MYO9B: variants seen among roughly 807,000 people sequenced by gnomAD.
The protein encoded by MYO9B is myosin IXB.
In MYO9B, 71 loss-of-function variants were observed where a neutral mutation model predicts 229.5. The ratio of observed to expected loss-of-function variants is 0.31; its 90% confidence interval spans 0.26 to 0.38. MYO9B has a LOEUF of 0.38. Among genes scored for constraint, MYO9B ranks in the 10% least tolerant of loss-of-function variants. The pLI, the probability that MYO9B is intolerant of heterozygous loss-of-function variation, is 1.00. For missense variants in MYO9B, 2,255 were observed against 2,920.5 expected, an observed-to-expected ratio of 0.77 and a Z score of 5.25; for synonymous variants, 1,185 against 1,235.8, an observed-to-expected ratio of 0.96 and a Z score of 0.86.
rs1327933319 is a variant in MYO9B at position 17,212,558 on chromosome 19, G to A, written c.*248G>A. 1.1e-5 allele frequency: 5 copies of A among 449,446 alleles called. No homozygotes were observed. Among genetic ancestry groups the A allele is most frequent in the African/African-American group, 4.1e-5 (2 of 49,202 alleles). The allele number at this position is 449,446 out of a possible 1,614,324, so 27.8% of individuals were successfully genotyped here. ...TGGGGAGCACCACATCTCCACCTGCGGCCTCACATCTCCCCACTCCCCTTT... is the reference window on the plus strand; with the variant it reads ...TGGGGAGCACCACATCTCCACCTGCAGCCTCACATCTCCCCACTCCCCTTT... On this transcript the variant is annotated 3_prime_UTR_variant, in exon 40 of 40. Transcript: ENST00000682292. The surrounding 1 kb of genome is among the most constrained non-coding windows in gnomAD (Gnocchi z 5.4).
At chr19:17,210,640 G>C (rs1361709000) in intron 37 of MYO9B, 75 bp from the exon 38 acceptor site, 3 of 1,457,534 alleles carry the variant, frequency 2.1e-6, no homozygotes, top group African/African-American at 2.9e-5. Context: ...TAACCTCCTG[G>C]GATCTGCTCA....
intron 3 of MYO9B, among the ~76,000 whole-genome samples, chr19:17,146,934 A>T (rs1299397979): frequency 3.3e-5 from 5 of 152,248 alleles, no homozygotes; most frequent in Admixed American, 6.5e-5. Flanking sequence ...CTGATGGTTC[A>T]TATTCAAGAT....
At chr19:17,096,047 C>CATGT (rs2057685155) in intron 1 of MYO9B, among the ~76,000 whole-genome samples, 1 of 150,840 alleles carries the variant, frequency 6.6e-6, no homozygotes, top group Non-Finnish European at 1.5e-5. Flanking sequence ...GCTGGGATTA[C>CATGT]AGGCATAAGC....
At position 17,188,059 on chromosome 19, in the gene MYO9B, A is replaced by G. The variant is rs1320765242; in HGVS notation, c.2688+14A>G. Reference sequence around the variant, plus strand: ...TACACGTTCCAGGTAGGCCACAAGCACATATACCTGGACACACCTGTTCCG... The same window carrying G: ...TACACGTTCCAGGTAGGCCACAAGCGCATATACCTGGACACACCTGTTCCG... On this transcript the variant is annotated intron_variant, in intron 19 of 39. Transcript: ENST00000682292. The G allele has an allele frequency of 1.3e-6, 2 of 1,565,350 alleles. No homozygotes were observed. Among genetic ancestry groups the G allele is most frequent in the Non-Finnish European group, 1.7e-6 (2 of 1,152,576 alleles).
Position 17,200,275 on chromosome 19 carries a change from A to G in MYO9B, c.4239-18A>G, listed in dbSNP as rs976950969. ...TTTCATTTCAGACTTAAAAGAAGCC[A>G]CGTACTTTCTCCTGCAGATCCACGT... On this transcript the variant is annotated intron_variant, in intron 24 of 39. Transcript: ENST00000682292. 3.7e-6 allele frequency: 6 copies of G among 1,601,270 alleles called. No individual in the cohort carries two copies. The highest frequency in any genetic ancestry group is 5.1e-6 in the Non-Finnish European group (6 of 1,176,084).
intron 3 of MYO9B, among the ~76,000 whole-genome samples, chr19:17,146,810 C>T (rs1410626483): frequency 2.0e-5 from 3 of 152,188 alleles, no homozygotes; most frequent in Admixed American, 1.3e-4. Flanking sequence ...GGCCTGGATA[C>T]TCACAGGGAT....
In MYO9B at chr19:17,207,247, G is replaced by A; in HGVS notation, c.5624+3G>A. On this transcript the variant is annotated splice_donor_region_variant and intron_variant, in intron 35 of 39. Coordinates refer to ENST00000682292, the MANE Select transcript of MYO9B (RefSeq NM_004145.4). ...AAGGACGTCCTCAAGATCACCACGT[G>A]AGTGCCCACCCTGCCCCGGAGGCAT... 1 of 1,593,438 alleles carries A rather than the reference G, an allele frequency of 6.3e-7. No homozygotes were observed. The highest frequency in any genetic ancestry group is 8.5e-7 in the Non-Finnish European group (1 of 1,171,328).
At chr19:17,082,948 G>C (rs2057547087) in intron 1 of MYO9B, among the ~76,000 whole-genome samples, 1 of 151,692 alleles carries the variant, frequency 6.6e-6, no homozygotes, top group Non-Finnish European at 1.5e-5. Flanking sequence ...CTGCAGCCAA[G>C]TGAGCGTGGG....
At chr19:17,160,628 C>T (rs1031144188) in intron 8 of MYO9B, among the ~76,000 whole-genome samples, 2 of 151,886 alleles carry the variant, frequency 1.3e-5, no homozygotes, top group Non-Finnish European at 2.9e-5. Flanking sequence ...ATGCCTCAGC[C>T]TCCTGAGTAG....
chr19:17,200,864 C>T (rs1339912533), intron 26 of MYO9B, 35 bp downstream of exon 26: 1 of 1,600,936 alleles, frequency 6.2e-7, no homozygotes, highest in Admixed American at 1.7e-5. Context: ...GGGCATGAGG[C>T]CCGGTCCCCA....
intron 2 of MYO9B, among the ~76,000 whole-genome samples, chr19:17,133,160 T>C (rs922021557): frequency 2.0e-5 from 3 of 152,168 alleles, no homozygotes; most frequent in East Asian, 1.9e-4. Context: ...TTATTTCTAA[T>C]TGATGAAAGT....
chr19:17,094,703 A>C (rs2057671643), intron 1 of MYO9B, among the ~76,000 whole-genome samples: 1 of 152,188 alleles, frequency 6.6e-6, no homozygotes, highest in Non-Finnish European at 1.5e-5. Flanking sequence ...GCACTTTGGG[A>C]GGCTGATACA....
At chr19:17,130,802 C>T (rs1325321233) in intron 2 of MYO9B, among the ~76,000 whole-genome samples, 1 of 151,842 alleles carries the variant, frequency 6.6e-6, no homozygotes, top group East Asian at 1.9e-4. Flanking sequence ...AGAATTTTTG[C>T]CTACATAGGA....
Position 17,180,991 on chromosome 19 carries a change from A to G in MYO9B, c.2284A>G (p.Ser762Gly), listed in dbSNP as rs779832681. The G allele has an allele frequency of 3.2e-5, 51 of 1,611,032 alleles. No homozygotes were observed. In the Admixed American group the frequency reaches 3.7e-4, roughly 12 times the overall value. ...GCCCTGGCAGGGCGAGGACCCCCGT[A>G]GCCTTCTCCAGTCCCTCAGTCGGCT... Reference protein sequence around the residue: ...GLPWQGEDPRSLLQSLSRLQK... With the variant: ...GLPWQGEDPRGLLQSLSRLQK... The change falls in exon 15 of 40, where the codon AGC (serine) becomes GGC (glycine). Residue 762 changes from serine (S) to glycine (G), a missense_variant. By Grantham distance (56) the Ser-to-Gly change is moderately conservative (BLOSUM62 0). Coordinates refer to ENST00000682292, the MANE Select transcript of MYO9B (RefSeq NM_004145.4).
intron 24 of MYO9B, 87 bp downstream of exon 24, chr19:17,198,395 C>T: frequency 1.3e-6 from 2 of 1,554,284 alleles, no homozygotes; most frequent in South Asian, 1.2e-5. Context: ...GCCTCCTAAA[C>T]CAATCACGTT....
chr19:17,202,353 AT>A (rs752663666), intron 28 of MYO9B, 50 bp downstream of exon 28: 1 of 1,486,242 alleles, frequency 6.7e-7, no homozygotes, highest in South Asian at 1.2e-5. Flanking sequence ...ACGCCTACCC[AT>A]GCCTCGCCAT....
chr19:17,205,221 TC>T, intron 30 of MYO9B, 41 bp from the exon 31 acceptor site: 1 of 1,553,686 alleles, frequency 6.4e-7, no homozygotes, highest in Non-Finnish European at 8.8e-7. Flanking sequence ...GAATCTGGGG[TC>T]CCCAGCACCC....
chr19:17,147,606 G>A (rs983214077), intron 3 of MYO9B, among the ~76,000 whole-genome samples: 12 of 149,638 alleles, frequency 8.0e-5, no homozygotes, highest in East Asian at 3.9e-4. Flanking sequence ...TTAGCTGGGC[G>A]TGGTGGTGCA....
chr19:17,117,073 T>C (rs139552298), intron 2 of MYO9B, among the ~76,000 whole-genome samples: 213 of 152,176 alleles, frequency 1.4e-3, no homozygotes, highest in African/African-American at 4.7e-3. Context: ...AAAGCTGAAG[T>C]GTAAGGTCTG....
Sources: gnomAD v4.1 joint callset for allele counts (sites outside exome capture counted in the v4.1 genomes callset) on GRCh38, gnomAD v4.1.1 for gene constraint, Gnocchi (gnomAD v3.1) non-coding constraint, MANE v1.5 for transcripts, NCBI Gene and HGNC (gene_info 2026-07-23, HGNC 2026-07-21) for gene names.